Variants in SMURF1 observed in about 807,000 individuals in gnomAD.
SMURF1 encodes E3 ubiquitin-protein ligase SMURF1.
Under a neutral mutation model 98.0 loss-of-function variants are expected in SMURF1, and 44 were observed. The observed-to-expected ratio is 0.45, with a 90% CI of 0.35 to 0.58. The LOEUF is 0.58. Among genes scored for constraint, SMURF1 ranks in the 20% least tolerant of loss-of-function variants. The pLI is 0.00. For synonymous variants in SMURF1, 396 were observed against 374.9 expected (o/e 1.06, Z -0.65); for missense variants, 687 against 938.4 (o/e 0.73, Z 3.50).
chr7:99,055,373 C>T (rs1306334768), intron 5 of SMURF1, among the ~76,000 whole-genome samples: 1 of 151,852 alleles, frequency 6.6e-6, no homozygotes, highest in African/African-American at 2.4e-5. Context: ...GAGGCTGAGG[C>T]AGGAGAATTG....
At chr7:99,127,584 G>A (rs569547631) in intron 1 of SMURF1, among the ~76,000 whole-genome samples, 1 of 152,160 alleles carries the variant, frequency 6.6e-6, no homozygotes, top group South Asian at 2.1e-4. Context: ...GAGGCAAGCT[G>A]GTTAACAAGG....
chr7:99,104,780 T>G (rs985548652), intron 1 of SMURF1, among the ~76,000 whole-genome samples: 1 of 151,874 alleles, frequency 6.6e-6, no homozygotes, highest in Non-Finnish European at 1.5e-5. Flanking sequence ...ATGAGGAGAG[T>G]AGGAATGATT....
chr7:99,112,525 A>G (rs1188951818), intron 1 of SMURF1, among the ~76,000 whole-genome samples: 1 of 152,208 alleles, frequency 6.6e-6, no homozygotes, highest in Non-Finnish European at 1.5e-5. Context: ...AGGGAGGGGG[A>G]GCATCTCATT....
At chr7:99,044,203 T>C (rs113448426) in intron 11 of SMURF1, among the ~76,000 whole-genome samples, 2 of 152,046 alleles carry the variant, frequency 1.3e-5, no homozygotes, top group Admixed American at 1.3e-4. Context: ...TCCCAGCTAC[T>C]CAGGGGGCTG....
In SMURF1 at chr7:99,047,876, C is replaced by T; in HGVS notation, c.960G>A (p.Gln320=). Residue 320 remains glutamine, a synonymous_variant, in exon 10 of 18, where the codon CAG becomes CAA. Coordinates refer to ENST00000361368, the MANE Select transcript of SMURF1 (RefSeq NM_181349.3). ...GCTGGCTGGGCTCCTTGAGTTGGCA[C>T]TGGTGACTTGAGAAGAAGAGATGCA... is the stretch of plus-strand genomic sequence containing the variant. The part of the protein sequence containing the change: ...DPRLHHIMNH[Q]CQLKEPSQPL... 6.2e-7 allele frequency: 1 copy of T among 1,613,710 alleles called. No homozygotes were observed. The highest frequency in any genetic ancestry group is 8.5e-7 in the Non-Finnish European group (1 of 1,180,040).
intron 6 of SMURF1, among the ~76,000 whole-genome samples, chr7:99,052,696 A>G (rs572573364): frequency 6.6e-6 from 1 of 152,348 alleles, no homozygotes; most frequent in Non-Finnish European, 1.5e-5. Context: ...ACCATAGGGT[A>G]GACTGAAATG....
At chr7:99,040,157 TCTCA>T (rs1032228665) in intron 13 of SMURF1, among the ~76,000 whole-genome samples, 2 of 152,108 alleles carry the variant, frequency 1.3e-5, no homozygotes, top group African/African-American at 4.8e-5. Context: ...AGTAACGGGG[TCTCA>T]CTGTGTTGCC....
intron 5 of SMURF1, 124 bp downstream of exon 5, chr7:99,057,081 C>T (rs998463965): frequency 1.4e-5 from 12 of 879,262 alleles, no homozygotes; most frequent in African/African-American, 6.7e-5. Context: ...GAGAAGGCCC[C>T]GTACGTGGTC....
intron 1 of SMURF1, among the ~76,000 whole-genome samples, chr7:99,119,490 A>G (rs1797546408): frequency 6.6e-6 from 1 of 152,264 alleles, no homozygotes; most frequent in Non-Finnish European, 1.5e-5. Flanking sequence ...ATGAGATTCT[A>G]GAAGTGTTTA....
At chr7:99,067,335 A>G (rs1369039138) in intron 1 of SMURF1, among the ~76,000 whole-genome samples, 1 of 151,954 alleles carries the variant, frequency 6.6e-6, no homozygotes, top group African/African-American at 2.4e-5. Flanking sequence ...TTATGTACCA[A>G]TACAGTGAGG....
chr7:99,044,810 C>T (rs1204108321), intron 11 of SMURF1, among the ~76,000 whole-genome samples: 1 of 152,128 alleles, frequency 6.6e-6, no homozygotes, highest in Non-Finnish European at 1.5e-5. Flanking sequence ...AACAAGATAC[C>T]TATTCAAAGA....
Position 99,028,746 on chromosome 7 carries a change from C to T in SMURF1, c.*1838G>A, listed in dbSNP as rs1446520026. ...GGGCCTCTGACCTCATCCCGGAGGC[C>T]GCTTCAGTTCTCGAATGGATGTCTC... On this transcript the variant is annotated 3_prime_UTR_variant, in exon 18 of 18. Coordinates refer to ENST00000361368, the MANE Select transcript of SMURF1 (RefSeq NM_181349.3). 2 of 152,218 alleles carry T rather than the reference C, an allele frequency of 1.3e-5. No homozygotes were observed. Among genetic ancestry groups the T allele is most frequent in the East Asian group, 1.9e-4 (1 of 5,200 alleles). The allele number at this position is 152,218 out of a possible 1,614,324, so 9.4% of individuals were successfully genotyped here.
intron 14 of SMURF1, 34 bp from the exon 15 acceptor site, chr7:99,037,221 C>A (rs1795179325): frequency 6.2e-7 from 1 of 1,612,926 alleles, no homozygotes; most frequent in Admixed American, 1.7e-5. Flanking sequence ...GATGCAACAC[C>A]AAGTGGATTT....
intron 1 of SMURF1, among the ~76,000 whole-genome samples, chr7:99,121,752 A>G (rs1797627953): frequency 6.6e-6 from 1 of 152,172 alleles, no homozygotes; most frequent in African/African-American, 2.4e-5. Context: ...AATTTTCACT[A>G]AAACCTCTTG....
chr7:99,121,769 T>G (rs1797628530), intron 1 of SMURF1, among the ~76,000 whole-genome samples: 1 of 152,218 alleles, frequency 6.6e-6, no homozygotes, highest in Non-Finnish European at 1.5e-5. Context: ...CTTGGCGCAT[T>G]GCTGAGAGAT....
chr7:99,078,233 C>A (rs2150564806), intron 1 of SMURF1, among the ~76,000 whole-genome samples: 1 of 145,812 alleles, frequency 6.9e-6, no homozygotes, highest in Admixed American at 7.0e-5. Context: ...ACCTGGGAGG[C>A]AGAGGTTGCG....
chr7:99,140,819 A>T (rs1204159223), intron 1 of SMURF1, among the ~76,000 whole-genome samples: 2 of 151,854 alleles, frequency 1.3e-5, no homozygotes, highest in Non-Finnish European at 2.9e-5. Flanking sequence ...AATAACAAAC[A>T]TGGAAATAAA....
At chr7:99,075,780 A>G (rs1276294706) in intron 1 of SMURF1, among the ~76,000 whole-genome samples, 2 of 152,168 alleles carry the variant, frequency 1.3e-5, no homozygotes, top group African/African-American at 2.4e-5. Context: ...TATCCCATTC[A>G]TTCTGGCTGG....
chr7:99,097,607 T>C (rs954053577), intron 1 of SMURF1, among the ~76,000 whole-genome samples: 3 of 152,222 alleles, frequency 2.0e-5, no homozygotes, highest in African/African-American at 7.2e-5. Context: ...CACCCTGATA[T>C]TGGACTACCC....
Sources: allele counts gnomAD v4.1 joint callset (sites outside exome capture counted in the v4.1 genomes callset), GRCh38; gene constraint gnomAD v4.1.1; transcripts MANE v1.5; gene names NCBI Gene and HGNC (gene_info 2026-07-23, HGNC 2026-07-21).